Variants in ERAP1 observed in about 807,000 individuals in gnomAD.
ERAP1 encodes the protein adipocyte-derived leucine aminopeptidase.
Under a neutral mutation model 103.7 loss-of-function variants are expected in ERAP1, and 86 were observed. That is an observed-to-expected ratio of 0.83 (90% CI 0.70 to 0.99). The LOEUF (loss-of-function observed/expected upper bound fraction) is 0.99. Among genes scored for constraint, ERAP1 ranks in the 50% least tolerant of loss-of-function variants. ERAP1 has a pLI of 0.00. For synonymous variants in ERAP1, 398 were observed against 402.4 expected, an observed-to-expected ratio of 0.99 and a Z score of 0.13; for missense variants, 1,009 against 1,128.4, an observed-to-expected ratio of 0.89 and a Z score of 1.52.
chr5:96,903,265 A>G, the ERAP1 span: 1 of 839,292 alleles, frequency 1.2e-6, no homozygotes. Flanking sequence ...ACTCTCCCCA[A>G]ACTTCATCTT....
chr5:96,800,097 T>A (rs1777819058), intron 3 of ERAP1, among the ~76,000 whole-genome samples: 3 of 152,198 alleles, frequency 2.0e-5, no homozygotes, highest in African/African-American at 7.2e-5. Flanking sequence ...TGATCCCCAG[T>A]GAGTTTCTCT....
the ERAP1 span, chr5:96,881,381 T>G: frequency 2.0e-5 from 9 of 455,448 alleles, no homozygotes; most frequent in Admixed American, 1.4e-4. Flanking sequence ...CAACAGAGAT[T>G]GCTGACATAT....
chr5:96,777,820 C>T (rs913539302), intron 18 of ERAP1, among the ~76,000 whole-genome samples: 1 of 152,204 alleles, frequency 6.6e-6, no homozygotes, highest in Non-Finnish European at 1.5e-5. Flanking sequence ...ATTACTCTTA[C>T]CCTTGTCCTG....
the ERAP1 span, among the ~76,000 whole-genome samples, chr5:96,924,946 A>G: frequency 6.6e-6 from 1 of 152,156 alleles, no homozygotes; most frequent in Admixed American, 6.5e-5. Context: ...TTTATGGAAG[A>G]AAGGCTGTGA....
chr5:96,891,381 A>ATG, the ERAP1 span, among the ~76,000 whole-genome samples: 1 of 150,518 alleles, frequency 6.6e-6, no homozygotes, highest in African/African-American at 2.4e-5. Flanking sequence ...GTATATATAT[A>ATG]TATATGTGTA....
At chr5:96,823,226 C>T in the ERAP1 span, 4 of 422,952 alleles carry the variant, frequency 9.5e-6, no homozygotes, top group Admixed American at 2.6e-5. Context: ...TTGTCATATT[C>T]CATTTGGAGG....
Position 96,788,600 on chromosome 5 carries a change from A to G in ERAP1, c.1610T>C (p.Val537Ala). 6.2e-7 allele frequency: 1 copy of G among 1,614,134 alleles called. No homozygotes were observed. The highest frequency in any genetic ancestry group is 8.5e-7 in the Non-Finnish European group (1 of 1,180,022). ...QKGFPLITIT[V>A]RGRNVHMKQE... ...CTTCATGTGTACATTCCTCCCCCTC[A>G]CTGTGATGGTTATTAGGGGAAAACC... The change falls in exon 11 of 19, where the codon GTG (valine) becomes GCG (alanine). Residue 537 changes from valine (V) to alanine (A), a missense_variant. Val to Ala is a moderately conservative substitution (Grantham distance 64). This residue lies in a region of ERAP1 where 611 missense variants were observed against 651.7 expected (regional missense o/e 0.94). Transcript: ENST00000443439.
At chr5:96,785,532 A>G in intron 13 of ERAP1, 1 of 467,246 alleles carries the variant, frequency 2.1e-6, no homozygotes, top group South Asian at 2.1e-5. Context: ...GGTTATCTAC[A>G]CTTCCGCCTC....
chr5:96,894,921 A>G, the ERAP1 span, among the ~76,000 whole-genome samples: 1 of 152,298 alleles, frequency 6.6e-6, no homozygotes, highest in South Asian at 2.1e-4. Flanking sequence ...AAAGAAAAAA[A>G]CTACCTCCAT....
At chr5:96,898,632 C>T in the ERAP1 span, among the ~76,000 whole-genome samples, 15 of 150,042 alleles carry the variant, frequency 1.0e-4, no homozygotes, top group African/African-American at 2.5e-4. Context: ...CCCAGCTACT[C>T]GGGAGGTTGA....
At chr5:96,891,483 A>ATG in the ERAP1 span, among the ~76,000 whole-genome samples, 207 of 138,714 alleles carry the variant, frequency 1.5e-3, 2 homozygotes, top group African/African-American at 4.5e-3. Flanking sequence ...ATATATATAT[A>ATG]TGTGTGTGTG....
intron 11 of ERAP1, among the ~76,000 whole-genome samples, chr5:96,786,975 A>C (rs1166273200): frequency 6.6e-6 from 1 of 152,200 alleles, no homozygotes; most frequent in African/African-American, 2.4e-5. Flanking sequence ...GGCATTCTAT[A>C]AAATAACTGG....
chr5:96,918,301 G>T, the ERAP1 span: 1 of 152,150 alleles, frequency 6.6e-6, no homozygotes, highest in Non-Finnish European at 1.5e-5. Flanking sequence ...TTTTAACCTT[G>T]CTTAGTATTC....
the ERAP1 span, among the ~76,000 whole-genome samples, chr5:96,885,431 C>T: frequency 6.6e-6 from 1 of 152,170 alleles, no homozygotes; most frequent in Non-Finnish European, 1.5e-5. Flanking sequence ...CCTGTATATA[C>T]TTTGACTTTT....
At chr5:96,801,923 A>G (rs981130502) in intron 2 of ERAP1, among the ~76,000 whole-genome samples, 2 of 151,294 alleles carry the variant, frequency 1.3e-5, no homozygotes, top group African/African-American at 2.4e-5. Context: ...GTCAAAGGTC[A>G]TTAACAGGCA....
chr5:96,840,106 G>A, the ERAP1 span, among the ~76,000 whole-genome samples: 1 of 152,162 alleles, frequency 6.6e-6, no homozygotes, highest in African/African-American at 2.4e-5. Context: ...TTAGATGAAA[G>A]GAAGAATGGA....
chr5:96,835,511 G>A, the ERAP1 span, among the ~76,000 whole-genome samples: 1 of 151,906 alleles, frequency 6.6e-6, no homozygotes, highest in Non-Finnish European at 1.5e-5. Flanking sequence ...CTTACATGTA[G>A]GGAAGTTTAT....
chr5:96,768,273 G>A (rs1770779575), intron 19 of ERAP1: 1 of 426,178 alleles, frequency 2.3e-6, no homozygotes, highest in Admixed American at 3.6e-5. Context: ...TTTGTAGAGA[G>A]GGGGTTTCGC....
At chr5:96,771,357 T>C (rs1232659881), downstream of ERAP1, among the ~76,000 whole-genome samples, 1 of 152,082 alleles carries the variant, frequency 6.6e-6, no homozygotes, top group East Asian at 1.9e-4. Flanking sequence ...GAATGAAACA[T>C]TGCCATTTAA....
Sources: gnomAD v4.1 joint callset for allele counts (sites outside exome capture counted in the v4.1 genomes callset) on GRCh38, gnomAD v4.1.1 for gene constraint, gnomAD v4.1.1 regional missense constraint, MANE v1.5 for transcripts, NCBI Gene and HGNC (gene_info 2026-07-23, HGNC 2026-07-21) for gene names.